Variants in PTPRD observed in about 807,000 individuals in gnomAD.
PTPRD encodes protein tyrosine phosphatase receptor type D.
In PTPRD, 34 loss-of-function variants were observed where a neutral mutation model predicts 214.5. The observed-to-expected ratio is 0.16, with a 90% CI of 0.12 to 0.21. The LOEUF is 0.21. Ranked by LOEUF, PTPRD falls within the 10% of genes least tolerant of loss-of-function variation. PTPRD has a pLI of 1.00. For synonymous variants in PTPRD, 1,128 were observed against 845.7 expected (o/e 1.33, Z -5.79); for missense variants, 2,545 against 2,398.7 (o/e 1.06, Z -1.27).
intron 2 of PTPRD, among the ~76,000 whole-genome samples, chr9:10,456,120 T>G (rs528735909): frequency 6.6e-6 from 1 of 151,970 alleles, no homozygotes; most frequent in African/African-American, 2.4e-5. Flanking sequence ...GCTCATTAAG[T>G]AAACTACTTC....
chr9:10,272,284 C>G (rs1053234250), intron 3 of PTPRD, among the ~76,000 whole-genome samples: 1 of 152,168 alleles, frequency 6.6e-6, no homozygotes, highest in Non-Finnish European at 1.5e-5. Flanking sequence ...TGTATCAGCA[C>G]TTCGCTTTTT....
intron 3 of PTPRD, among the ~76,000 whole-genome samples, chr9:10,140,836 T>C (rs1434322907): frequency 2.0e-5 from 3 of 151,638 alleles, no homozygotes; most frequent in African/African-American, 7.3e-5. Context: ...TGAACATTGA[T>C]GCAAAAATCC....
intron 8 of PTPRD, among the ~76,000 whole-genome samples, chr9:9,424,245 C>T (rs1185019901): frequency 6.6e-6 from 1 of 152,182 alleles, no homozygotes; most frequent in Non-Finnish European, 1.5e-5. Flanking sequence ...CTTCTTTACT[C>T]CTTATATAAA....
intron 5 of PTPRD, among the ~76,000 whole-genome samples, chr9:9,773,297 T>A (rs1386358758): frequency 6.6e-6 from 1 of 152,140 alleles, no homozygotes; most frequent in South Asian, 2.1e-4. Flanking sequence ...CAAGGGTTTT[T>A]CAGCACAGTT....
rs2099947081 is a variant in PTPRD at position 9,209,385 on chromosome 9, C to T, written c.-202-26022G>A. Reference sequence around the variant, plus strand: ...AGAAGAGGGAAATATCAATCAGCCTCACTGTGTTGAGTTCATCTGGATTCA... The same window carrying T: ...AGAAGAGGGAAATATCAATCAGCCTTACTGTGTTGAGTTCATCTGGATTCA... On this transcript the variant is annotated intron_variant, in intron 9 of 45. Coordinates refer to ENST00000381196, the MANE Select transcript of PTPRD (RefSeq NM_002839.4). Among the ~76,000 whole-genome samples, 5 of 152,216 alleles carry T rather than the reference C, an allele frequency of 3.3e-5. No homozygotes were observed. In the South Asian group the frequency reaches 1.0e-3, roughly 32 times the overall value.
intron 11 of PTPRD, among the ~76,000 whole-genome samples, chr9:8,771,760 T>G (rs1341207437): frequency 6.6e-6 from 1 of 152,072 alleles, no homozygotes; most frequent in East Asian, 1.9e-4. Flanking sequence ...ATTATAAGCA[T>G]TCAACCCTTG....
intron 8 of PTPRD, among the ~76,000 whole-genome samples, chr9:9,502,556 G>A (rs538250911): frequency 2.0e-5 from 3 of 151,968 alleles, no homozygotes; most frequent in South Asian, 4.1e-4. Flanking sequence ...CACATTCACT[G>A]AGTATAATTC....
At chr9:10,573,322 G>A (rs2068087903) in intron 2 of PTPRD, among the ~76,000 whole-genome samples, 1 of 152,268 alleles carries the variant, frequency 6.6e-6, no homozygotes, top group African/African-American at 2.4e-5. Context: ...GTTTGCGCAT[G>A]AATACAAGTT....
At chr9:9,039,001 G>A (rs1368506217) in intron 10 of PTPRD, among the ~76,000 whole-genome samples, 1 of 152,026 alleles carries the variant, frequency 6.6e-6, no homozygotes, top group Non-Finnish European at 1.5e-5. Flanking sequence ...GTGGTGGTGA[G>A]CACCCCTATC....
rs374050893 is a variant in PTPRD at position 10,594,279 on chromosome 9, G to A, written c.-600+18119C>T. 2.1e-4 allele frequency among the ~76,000 whole-genome samples: 32 copies of A among 151,992 alleles called. No homozygotes were observed. The South Asian group carries it at 6.6e-3, about 32-fold the overall frequency. On this transcript the variant is annotated intron_variant, in intron 2 of 45. Coordinates refer to ENST00000381196, the MANE Select transcript of PTPRD (RefSeq NM_002839.4). ...ATGAAGGAGAAATTATATTGCACAT[G>A]TCTTCAGTAAAACTGAACTGTATAA...
Position 10,035,907 on chromosome 9 carries a change from C to T in PTPRD, c.-544-2117G>A, listed in dbSNP as rs552286642. ...CTGACAACTAACTTTGGCCCTTGTT[C>T]AGGAAGCGGAAATCTATATCTTCAT... is the stretch of plus-strand genomic sequence containing the variant. On this transcript the variant is annotated intron_variant, in intron 3 of 45. Coordinates refer to ENST00000381196, the MANE Select transcript of PTPRD (RefSeq NM_002839.4). 3.0e-3 allele frequency among the ~76,000 whole-genome samples: 390 copies of T among 130,130 alleles called. 3 individuals carry two copies. Among genetic ancestry groups the T allele is most frequent in the African/African-American group, 0.011 (374 of 33,016 alleles). The allele number at this position is 130,130 out of a possible 152,430, so 85.4% of individuals were successfully genotyped here. A position where few individuals can be genotyped will look rare whatever the true frequency, so the allele number is the denominator to read the frequency against.
intron 10 of PTPRD, among the ~76,000 whole-genome samples, chr9:9,117,247 G>T (rs1321744229): frequency 2.0e-5 from 3 of 146,498 alleles, no homozygotes; most frequent in African/African-American, 7.9e-5. Flanking sequence ...TACTTTCAGG[G>T]TATGATTAAC....
chr9:10,116,286 T>C (rs577086359), intron 3 of PTPRD, among the ~76,000 whole-genome samples: 1 of 152,274 alleles, frequency 6.6e-6, no homozygotes, highest in African/African-American at 2.4e-5. Flanking sequence ...TTTATGCTTC[T>C]ATTGCTGACT....
chr9:8,869,258 A>T (rs2098252293), intron 11 of PTPRD, among the ~76,000 whole-genome samples: 1 of 152,204 alleles, frequency 6.6e-6, no homozygotes, highest in Non-Finnish European at 1.5e-5. Context: ...TCTTGAGAAG[A>T]AAGTATTCTT....
chr9:8,325,570 C>A (rs1832816862), intron 44 of PTPRD, among the ~76,000 whole-genome samples: 1 of 146,738 alleles, frequency 6.8e-6, no homozygotes, highest in Non-Finnish European at 1.5e-5. Context: ...TTTGTGGGCT[C>A]TTTTTTGGTT....
At chr9:8,923,098 A>G (rs1366491789) in intron 11 of PTPRD, among the ~76,000 whole-genome samples, 1 of 147,628 alleles carries the variant, frequency 6.8e-6, no homozygotes, top group African/African-American at 2.5e-5. Flanking sequence ...CTGGAGCGCA[A>G]TGGTGTGGTC....
At chr9:9,629,597 A>T (rs2095527895) in intron 7 of PTPRD, among the ~76,000 whole-genome samples, 1 of 152,176 alleles carries the variant, frequency 6.6e-6, no homozygotes, top group African/African-American at 2.4e-5. Flanking sequence ...GGGACAGCCT[A>T]TTCTGCACCA....
At chr9:9,129,074 G>C (rs1038647360) in intron 10 of PTPRD, among the ~76,000 whole-genome samples, 1 of 152,174 alleles carries the variant, frequency 6.6e-6, no homozygotes, top group African/African-American at 2.4e-5. Context: ...CTTACAAGCA[G>C]TCCTAACACA....
At chr9:9,053,826 G>C (rs2099691169) in intron 10 of PTPRD, among the ~76,000 whole-genome samples, 1 of 152,226 alleles carries the variant, frequency 6.6e-6, no homozygotes, top group Non-Finnish European at 1.5e-5. Context: ...GGTTTAGAAA[G>C]TAATTCTAAT....
Sources: allele counts gnomAD v4.1 joint callset (sites outside exome capture counted in the v4.1 genomes callset), GRCh38; gene constraint gnomAD v4.1.1; transcripts MANE v1.5; gene names NCBI Gene and HGNC (gene_info 2026-07-23, HGNC 2026-07-21).